The following DOCK6 variants were observed in gnomAD, a reference collection of about 807,000 sequenced individuals.
The protein encoded by DOCK6 is dedicator of cytokinesis protein 6.
A neutral mutation model predicts 230.3 loss-of-function variants in DOCK6; 167 were observed. The observed-to-expected ratio is 0.73, with a 90% CI of 0.64 to 0.82. The LOEUF is 0.82. DOCK6 is among the 40% of genes least tolerant of loss of function. The pLI is 0.00. For missense variants in DOCK6, 2,598 were observed against 2,825.8 expected (o/e 0.92, Z 1.83); for synonymous variants, 1,148 against 1,185.0 (o/e 0.97, Z 0.64).
chr19:11,199,459 T>C lies in DOCK6; in HGVS notation c.*38A>G. ...GCAGCACAGACAGCTGAGGCCCGGG[T>C]GCTGGTTCCTCTAGGTACAGCTTTG... is the stretch of plus-strand genomic sequence containing the variant. On this transcript the variant is annotated 3_prime_UTR_variant, in exon 48 of 48. Coordinates refer to ENST00000294618, the MANE Select transcript of DOCK6 (RefSeq NM_020812.4). 2 of 1,561,564 alleles carry C rather than the reference T, an allele frequency of 1.3e-6. No homozygotes were observed. Among genetic ancestry groups the C allele is most frequent in the Non-Finnish European group, 8.7e-7 (1 of 1,152,580 alleles).
At chr19:11,213,077 A>G in intron 35 of DOCK6, 99 bp downstream of exon 35, 1 of 1,470,372 alleles carries the variant, frequency 6.8e-7, no homozygotes, top group South Asian at 1.3e-5. Context: ...ATTATGCTCA[A>G]TGACTGTCTC....
rs34049310 is a variant in DOCK6, at chr19:11,212,865, C to CT, written c.4491+310dup. On this transcript the variant is annotated intron_variant, in intron 35 of 47. Coordinates refer to ENST00000294618, the MANE Select transcript of DOCK6 (RefSeq NM_020812.4). ...CAGGCATGAGCCACTGTGCCTGGCC[C>CT]TTTTTTTTTTTTTTTTTTTTTTATT... Among the ~76,000 whole-genome samples the CT allele has an allele frequency of 5.3e-3, 551 of 104,454 alleles. 9 individuals are homozygous for CT. Among genetic ancestry groups the CT allele is most frequent in the South Asian group, 0.012 (37 of 3,128 alleles). The allele number at this position is 104,454 out of a possible 152,430, so 68.5% of individuals were successfully genotyped here. A position where few individuals can be genotyped will look rare whatever the true frequency, so the allele number is the denominator to read the frequency against.
chr19:11,239,808 G>T, intron 14 of DOCK6: 1 of 1,606,898 alleles, frequency 6.2e-7, no homozygotes. Context: ...GGACCACGGA[G>T]GGACGGCTGA....
chr19:11,202,008 T>C lies in DOCK6; in HGVS notation c.5569A>G (p.Thr1857Ala). 6.2e-7 allele frequency: 1 copy of C among 1,614,060 alleles called. No individual in the cohort carries two copies. Among genetic ancestry groups the C allele is most frequent in the Non-Finnish European group, 8.5e-7 (1 of 1,179,902 alleles). Residue 1857 changes from threonine (T) to alanine (A), a missense_variant, in exon 44 of 48, where the codon ACG becomes GCG. By Grantham distance (58) the Thr-to-Ala change is moderately conservative. Coordinates refer to ENST00000294618, the MANE Select transcript of DOCK6 (RefSeq NM_020812.4). The surrounding 1 kb of genome is among the most constrained non-coding windows in gnomAD (Gnocchi z 5.3). ...LRTFLFCTPF[T>A]PDGRAHGELP... ...TCCCCGTGTGCGCGCCCATCCGGCG[T>C]GAACGGCGTGCAGAACAGGAATGTG... is the stretch of plus-strand genomic sequence containing the variant.
At chr19:11,214,762 CTGTTT>C in intron 32 of DOCK6, 113 bp from the exon 33 acceptor site, 2 of 952,928 alleles carry the variant, frequency 2.1e-6, no homozygotes, top group Non-Finnish European at 3.2e-6. Flanking sequence ...GGAAGCTGTT[CTGTTT>C]TTTGTTTTTG....
In DOCK6 at chr19:11,236,542, G is replaced by T. The variant is rs777169104; in HGVS notation, c.2196C>A (p.His732Gln). ...ATGGGAAGGCTCCCTCCTCCAGGACGTGCACCAGGGTGAAGAATTTGTCCA... is the reference window on the plus strand; with the variant it reads ...ATGGGAAGGCTCCCTCCTCCAGGACTTGCACCAGGGTGAAGAATTTGTCCA... Reference protein sequence around the residue: ...PYLDKFFTLVHVLEEGAFPFR... With the variant: ...PYLDKFFTLVQVLEEGAFPFR... Residue 732 changes from histidine to glutamine, a missense_variant, in exon 20 of 48, where the codon CAC becomes CAA. Transcript: ENST00000294618. The surrounding 1 kb of genome is among the most constrained non-coding windows in gnomAD (Gnocchi z 5.2). 4.7e-5 allele frequency: 76 copies of T among 1,600,356 alleles called. No individual in the cohort carries two copies. Among genetic ancestry groups the T allele is most frequent in the Admixed American group, 6.9e-5 (4 of 57,582 alleles).
intron 13 of DOCK6, 81 bp downstream of exon 13, chr19:11,242,978 G>A: frequency 2.0e-6 from 3 of 1,524,904 alleles, no homozygotes; most frequent in Non-Finnish European, 2.7e-6. Context: ...GATGCCCCTG[G>A]CACAGTAGGT....
chr19:11,240,087 C>T, intron 14 of DOCK6: 1 of 1,550,528 alleles, frequency 6.4e-7, no homozygotes, highest in Non-Finnish European at 8.7e-7. Context: ...CTTAGGTACA[C>T]AAAGATGAGT....
rs764016967 is a variant in DOCK6, at chr19:11,215,491, G to A, written c.4022-20C>T. ...TCCTCTCTGAGACGCGTGGGTGCAC[G>A]ATCACAGATGCGTAAAAACACAGGG... On this transcript the variant is annotated intron_variant, in intron 31 of 47. Transcript: ENST00000294618. 3.7e-6 allele frequency: 6 copies of A among 1,600,390 alleles called. No homozygotes were observed. The highest frequency in any genetic ancestry group is 1.3e-5 in the African/African-American group (1 of 74,868).
chr19:11,256,823 AC>A (rs1466248135), intron 1 of DOCK6, among the ~76,000 whole-genome samples: 3 of 150,340 alleles, frequency 2.0e-5, no homozygotes, highest in African/African-American at 7.4e-5. Flanking sequence ...GATTACAGGC[AC>A]CCACCACCAT....
At position 11,229,017 on chromosome 19, in the gene DOCK6, C is replaced by T. The variant is rs1181913438; in HGVS notation, c.2737G>A (p.Ala913Thr). 51 of 1,613,430 alleles carry T rather than the reference C, an allele frequency of 3.2e-5. No individual in the cohort carries two copies. The Admixed American group carries it at 8.5e-4, about 27-fold the overall frequency. The change falls in exon 23 of 48, where the codon GCT (alanine) becomes ACT (threonine). Residue 913 changes from alanine (A) to threonine (T), a missense_variant. Transcript: ENST00000294618. The stretch of plus-strand genomic sequence containing the variant: ...CTGCTGCTGACCACCCACTGCAGAG[C>T]CAGCTCCTCGTGAAGCAGCTGGGGA... ...LASKLLHEEL[A>T]LQWVVSSSAV...
At position 11,200,537 on chromosome 19, in the gene DOCK6, G is replaced by A. The variant is rs1028191508; in HGVS notation, c.5940-68C>T. ...GGACTGAAAGCAAGACTAGGGGTGGGGGCACCCATAAGGCGGGACCAGGCC... is the reference window on the plus strand; with the variant it reads ...GGACTGAAAGCAAGACTAGGGGTGGAGGCACCCATAAGGCGGGACCAGGCC... On this transcript the variant is annotated intron_variant, in intron 46 of 47. Transcript: ENST00000294618. This position sits in a 1 kb window ranked among gnomAD's most constrained non-coding sequence, Gnocchi z 4.3. 97 of 1,568,798 alleles carry A rather than the reference G, an allele frequency of 6.2e-5. No individual in the cohort carries two copies. The highest frequency in any genetic ancestry group is 7.7e-5 in the Non-Finnish European group (89 of 1,158,014).
rs925081420 is a variant in DOCK6, at chr19:11,202,329, C to G, written c.5451+65G>C. On this transcript the variant is annotated intron_variant, in intron 43 of 47. Transcript: ENST00000294618. The surrounding 1 kb of genome is among the most constrained non-coding windows in gnomAD (Gnocchi z 5.3). ...CCCAGAGAAAGAGGATTTGAGGGTC[C>G]CCAGGAAACAGCACTTGGAGTCTCT... 2.6e-6 allele frequency: 4 copies of G among 1,557,794 alleles called. No homozygotes were observed. The highest frequency in any genetic ancestry group is 3.5e-6 in the Non-Finnish European group (4 of 1,145,576).
intron 28 of DOCK6, 183 bp downstream of exon 28, chr19:11,221,668 G>T: frequency 2.5e-6 from 2 of 796,938 alleles, no homozygotes; most frequent in Non-Finnish European, 2.0e-6. Flanking sequence ...TCCATTACAG[G>T]GGAGAAACCT....
chr19:11,211,134 C>T (rs2079377149), intron 37 of DOCK6, among the ~76,000 whole-genome samples: 1 of 151,888 alleles, frequency 6.6e-6, no homozygotes, highest in African/African-American at 2.4e-5. Context: ...AACCCCTCAC[C>T]TGTCTATCCC....
chr19:11,219,766 G>A (rs903361683), intron 28 of DOCK6, among the ~76,000 whole-genome samples: 2 of 150,436 alleles, frequency 1.3e-5, no homozygotes, highest in African/African-American at 4.9e-5. Flanking sequence ...CTCCAGCCTG[G>A]GCAAGAGCGA....
Position 11,201,926 on chromosome 19 carries a change from T to G in DOCK6, c.5651A>C (p.Tyr1884Ser), listed in dbSNP as rs759587834. The change falls in exon 44 of 48, where the codon TAC (tyrosine) becomes TCC (serine). Residue 1884 changes from tyrosine (Y) to serine (S), a missense_variant. Tyr to Ser is a moderately radical substitution (Grantham distance 144, BLOSUM62 -2). Transcript: ENST00000294618. This position sits in a 1 kb window ranked among gnomAD's most constrained non-coding sequence, Gnocchi z 4.3. ...GCACACACGGATGCGAGTCTTGATG[T>G]AGGGGAAGGCGTGGTCGGTGCTGAG... ...TLLSTDHAFPYIKTRIRVCHR... is the reference protein window; with the variant it reads ...TLLSTDHAFPSIKTRIRVCHR... 2.5e-6 allele frequency: 4 copies of G among 1,595,872 alleles called. No individual in the cohort carries two copies. The South Asian group carries it at 4.5e-5, about 18-fold the overall frequency.
In DOCK6 at chr19:11,222,635, G is replaced by C; in HGVS notation, c.3240+100C>G. On this transcript the variant is annotated intron_variant, in intron 26 of 47. Coordinates refer to ENST00000294618, the MANE Select transcript of DOCK6 (RefSeq NM_020812.4). The surrounding 1 kb of genome is among the most constrained non-coding windows in gnomAD (Gnocchi z 4.0). ...AAGGGATTAGTTCACCTAGGCAGTGGTCCACCGTGAAAGGGACAGAGATGA... is the reference window on the plus strand; with the variant it reads ...AAGGGATTAGTTCACCTAGGCAGTGCTCCACCGTGAAAGGGACAGAGATGA... The C allele has an allele frequency of 7.9e-7, 1 of 1,273,670 alleles. No individual in the cohort carries two copies. The highest frequency in any genetic ancestry group is 1.1e-6 in the Non-Finnish European group (1 of 932,368). The allele number at this position is 1,273,670 out of a possible 1,614,324, so 78.9% of individuals were successfully genotyped here.
At chr19:11,223,185 G>T in intron 24 of DOCK6, 79 bp from the exon 25 acceptor site, 1 of 1,296,440 alleles carries the variant, frequency 7.7e-7, no homozygotes, top group Non-Finnish European at 1.1e-6. Flanking sequence ...AAGATCATCT[G>T]CCACCCCTAG....
Sources: gnomAD v4.1 joint callset for allele counts (sites outside exome capture counted in the v4.1 genomes callset) on GRCh38, gnomAD v4.1.1 for gene constraint, Gnocchi (gnomAD v3.1) non-coding constraint, MANE v1.5 for transcripts, NCBI Gene and HGNC (gene_info 2026-07-23, HGNC 2026-07-21) for gene names.